The following AP1B1 variants were observed in gnomAD, a reference collection of about 807,000 sequenced individuals.
AP1B1 encodes the protein adaptor related protein complex 1 subunit beta 1.
Under a neutral mutation model 104.3 loss-of-function variants are expected in AP1B1, and 36 were observed. The observed-to-expected ratio is 0.35, with a 90% CI of 0.26 to 0.46. AP1B1 has a LOEUF of 0.46. AP1B1 is among the 20% of genes least tolerant of loss of function. AP1B1 has a pLI of 1.00. For synonymous variants in AP1B1, 504 were observed against 517.5 expected (o/e 0.97, Z 0.35); for missense variants, 901 against 1,247.9 (o/e 0.72, Z 4.19).
At chr22:29,355,909 T>C (rs972277321) in intron 6 of AP1B1, among the ~76,000 whole-genome samples, 2 of 151,336 alleles carry the variant, frequency 1.3e-5, no homozygotes, top group African/African-American at 4.9e-5. Context: ...GTACATACTG[T>C]ATAGATGGCA....
chr22:29,368,345 TTCATTTAACAAAAA>T (rs902246636), intron 1 of AP1B1, among the ~76,000 whole-genome samples: 6 of 152,030 alleles, frequency 3.9e-5, no homozygotes, highest in Non-Finnish European at 7.4e-5. Flanking sequence ...AGCTCTGCCA[TTCATTTAACAAAAA>T]TCATTTAACA....
chr22:29,355,677 C>T (rs1353998180), intron 6 of AP1B1, among the ~76,000 whole-genome samples: 2 of 151,794 alleles, frequency 1.3e-5, no homozygotes, highest in Non-Finnish European at 2.9e-5. Context: ...GGGTGGATTG[C>T]TTGATCCCAG....
At position 29,356,558 on chromosome 22, in the gene AP1B1, T is replaced by C. The variant is rs1207257524; in HGVS notation, c.584A>G (p.Asn195Ser). Reference protein sequence around the residue: ...SEIAESHPSSNLLDLNPQSIN... With the variant: ...SEIAESHPSSSLLDLNPQSIN... ...GGACTGTGGGTTCAGATCGAGCAGG[T>C]TGCTGCTGGGGTGAGACTCGGCAAT... Residue 195 changes from asparagine to serine, a missense_variant, in exon 6 of 23, where the codon AAC (asparagine) becomes AGC (serine). This residue lies in a region of AP1B1 where 471 missense variants were observed against 696.7 expected (regional missense o/e 0.68). Transcript: ENST00000357586. 4 of 1,614,134 alleles carry C rather than the reference T, an allele frequency of 2.5e-6. No individual in the cohort carries two copies. Among genetic ancestry groups the C allele is most frequent in the South Asian group, 1.1e-5 (1 of 91,070 alleles).
intron 6 of AP1B1, among the ~76,000 whole-genome samples, chr22:29,355,185 C>T (rs1392423164): frequency 2.6e-5 from 4 of 151,556 alleles, no homozygotes; most frequent in African/African-American, 7.3e-5. Flanking sequence ...TACAGTGAGC[C>T]GAGATCGCGC....
chr22:29,332,773 C>T (rs1275943572), intron 17 of AP1B1, among the ~76,000 whole-genome samples: 1 of 152,246 alleles, frequency 6.6e-6, no homozygotes, highest in Admixed American at 6.5e-5. Flanking sequence ...ATCAGCCTGC[C>T]TGGGACACAG....
intron 1 of AP1B1, among the ~76,000 whole-genome samples, chr22:29,388,023 TTC>T (rs1491203556): frequency 1.3e-5 from 2 of 152,200 alleles, no homozygotes; most frequent in African/African-American, 2.4e-5. Context: ...TAGTTTTTTT[TTC>T]TTTCTTCTTT....
In AP1B1 at chr22:29,331,501, G is replaced by A; in HGVS notation, c.2472C>T (p.Tyr824=). The change falls in exon 19 of 23, where the codon TAC becomes TAT. Residue 824 remains tyrosine (Y), a synonymous_variant. Coordinates refer to ENST00000357586, the MANE Select transcript of AP1B1 (RefSeq NM_001127.4). ...VAVKNNIDVF[Y]FSTLYPLHIL... Reference sequence around the variant, plus strand: ...TGTGCAGTGGGTACAAGGTGCTGAAGTAGAAGACATCGATGTTGTTCTTCA... The same window carrying A: ...TGTGCAGTGGGTACAAGGTGCTGAAATAGAAGACATCGATGTTGTTCTTCA... The A allele has an allele frequency of 6.2e-7, 1 of 1,614,208 alleles. No homozygotes were observed. The highest frequency in any genetic ancestry group is 8.5e-7 in the Non-Finnish European group (1 of 1,180,036).
At position 29,353,980 on chromosome 22, in the gene AP1B1, C is replaced by T. The variant is rs573990386; in HGVS notation, c.938+670G>A. On this transcript the variant is annotated intron_variant, in intron 7 of 22. Transcript: ENST00000357586. The stretch of plus-strand genomic sequence containing the variant: ...AAGGGGATCATGCCATGAACCCCTC[C>T]GATCCAGCACTGCTCAATGGTTTTT... Among the ~76,000 whole-genome samples, 167 of 152,292 alleles carry T rather than the reference C, an allele frequency of 1.1e-3. 1 individual carries two copies. Among genetic ancestry groups the T allele is most frequent in the African/African-American group, 3.6e-3 (151 of 41,550 alleles).
At chr22:29,363,328 G>C (rs963486041) in intron 2 of AP1B1, among the ~76,000 whole-genome samples, 4 of 152,160 alleles carry the variant, frequency 2.6e-5, no homozygotes, top group African/African-American at 9.7e-5. Context: ...GGGTGCAGTC[G>C]CTCATACCTG....
intron 14 of AP1B1, 35 bp downstream of exon 14, chr22:29,340,621 T>C (rs1336654089): frequency 8.0e-6 from 12 of 1,500,402 alleles, no homozygotes; most frequent in South Asian, 1.3e-5. Context: ...CTGAGGATCA[T>C]TATCAACATC....
Position 29,342,360 on chromosome 22 carries a change from G to T in AP1B1, c.1461C>A (p.Ala487=), listed in dbSNP as rs373697018. The change falls in exon 12 of 23, where the codon GCC becomes GCA. Residue 487 remains alanine (A), a synonymous_variant. Coordinates refer to ENST00000357586, the MANE Select transcript of AP1B1 (RefSeq NM_001127.4). ...GCTTCTTTAGAAAGAGTTTCACAATGGCTGTCAGCAGCTGCAGCTGGACCT... is the reference window on the plus strand; with the variant it reads ...GCTTCTTTAGAAAGAGTTTCACAATTGCTGTCAGCAGCTGCAGCTGGACCT... ...STQVQLQLLT[A]IVKLFLKKPT... The T allele has an allele frequency of 1.7e-5, 28 of 1,614,004 alleles. No individual in the cohort carries two copies. Among genetic ancestry groups the T allele is most frequent in the Non-Finnish European group, 2.2e-5 (26 of 1,180,014 alleles).
intron 11 of AP1B1, among the ~76,000 whole-genome samples, chr22:29,346,389 C>A (rs529389717): frequency 2.0e-5 from 3 of 152,302 alleles, no homozygotes; most frequent in East Asian, 1.9e-4. Flanking sequence ...AATTTTTCCA[C>A]AGATAGGGGA....
chr22:29,331,324 G>T, intron 19 of AP1B1, 125 bp downstream of exon 19: 1 of 958,658 alleles, frequency 1.0e-6, no homozygotes, highest in Non-Finnish European at 1.7e-6. Flanking sequence ...CAGGGAAGCA[G>T]CAACTCCCCG....
chr22:29,374,062 G>A, intron 1 of AP1B1, among the ~76,000 whole-genome samples: 1 of 151,866 alleles, frequency 6.6e-6, no homozygotes. Flanking sequence ...GCTGGGCATG[G>A]TGGCGGTGCA....
intron 1 of AP1B1, among the ~76,000 whole-genome samples, chr22:29,368,824 C>A (rs559203010): frequency 6.6e-6 from 1 of 151,730 alleles, no homozygotes; most frequent in South Asian, 2.1e-4. Flanking sequence ...ACTTGGGAGG[C>A]TGAGTGGCAC....
chr22:29,330,259 G>T, intron 21 of AP1B1, 119 bp downstream of exon 21: 1 of 1,527,530 alleles, frequency 6.5e-7, no homozygotes, highest in South Asian at 1.2e-5. Flanking sequence ...GGACCAAACT[G>T]ATTCTAGTTC....
At chr22:29,329,920 G>A (rs1303358587) in intron 21 of AP1B1, 200 bp from the exon 22 acceptor site, 13 of 1,433,800 alleles carry the variant, frequency 9.1e-6, no homozygotes, top group Non-Finnish European at 1.2e-5. Context: ...GCTGTCCGGG[G>A]CCCTGGAACA....
chr22:29,360,283 C>T (rs1333825260), intron 3 of AP1B1, among the ~76,000 whole-genome samples: 1 of 152,158 alleles, frequency 6.6e-6, no homozygotes, highest in East Asian at 1.9e-4. Context: ...GTCACCTGCC[C>T]CCTCGCCCTG....
At position 29,330,146 on chromosome 22, in the gene AP1B1, C is replaced by T. The variant is rs1414675574; in HGVS notation, c.2766+232G>A. 2.1e-6 allele frequency: 3 copies of T among 1,428,034 alleles called. No homozygotes were observed. In the South Asian group the frequency reaches 4.5e-5, roughly 21 times the overall value. 88.5% of individuals were successfully genotyped at this position (1,428,034 alleles called of 1,614,324 possible). On this transcript the variant is annotated intron_variant, in intron 21 of 22. Coordinates refer to ENST00000357586, the MANE Select transcript of AP1B1 (RefSeq NM_001127.4). The stretch of plus-strand genomic sequence containing the variant: ...CACCACCTTACAGGGCCCAATTTTA[C>T]ACAATCTTCTAGTCCAACTCACTGT...
Sources: gnomAD v4.1 joint callset for allele counts (sites outside exome capture counted in the v4.1 genomes callset) on GRCh38, gnomAD v4.1.1 for gene constraint, gnomAD v4.1.1 regional missense constraint, MANE v1.5 for transcripts, NCBI Gene and HGNC (gene_info 2026-07-23, HGNC 2026-07-21) for gene names.